The following BOC variants were observed in gnomAD, a reference collection of about 807,000 sequenced individuals.
BOC encodes the protein brother of CDO.
Under a neutral mutation model 112.0 loss-of-function variants are expected in BOC, and 76 were observed. That is an observed-to-expected ratio of 0.68 (90% CI 0.56 to 0.82). The LOEUF (loss-of-function observed/expected upper bound fraction) is 0.82, where lower values mean the gene tolerates loss of function less well. Ranked by LOEUF, BOC falls within the 40% of genes least tolerant of loss-of-function variation. The pLI is 0.00. For missense variants in BOC, 1,309 were observed against 1,511.7 expected, an observed-to-expected ratio of 0.87 and a Z score of 2.22; for synonymous variants, 580 against 599.8, an observed-to-expected ratio of 0.97 and a Z score of 0.48.
In BOC at chr3:113,268,193, G is replaced by T. The variant is rs1402699972; in HGVS notation, c.377-106G>T. 7 of 1,507,936 alleles carry T rather than the reference G, an allele frequency of 4.6e-6. No individual in the cohort carries two copies. The African/African-American group carries it at 9.6e-5, about 21-fold the overall frequency. The allele number at this position is 1,507,936 out of a possible 1,614,324, so 93.4% of individuals were successfully genotyped here. A position where few individuals can be genotyped will look rare whatever the true frequency, so the allele number is the denominator to read the frequency against. ...CGGAGGATCCCCTGATATCCCCCTA[G>T]GTGTGAGCTTTGTCATGACTGACAA... On this transcript the variant is annotated intron_variant, in intron 4 of 19. Transcript: ENST00000682979.
rs1403910762 is a variant in BOC, at chr3:113,272,447, A to G, written c.705A>G (p.Pro235=). 1 of 1,613,932 alleles carries G rather than the reference A, an allele frequency of 6.2e-7. No homozygotes were observed. Among genetic ancestry groups the G allele is most frequent in the Non-Finnish European group, 8.5e-7 (1 of 1,179,960 alleles). The stretch of plus-strand genomic sequence containing the variant: ...AGGCTGCCCGCATCATCTACCCCCC[A>G]GAGGCCCAAACCATCATCGTCACCA... ...TAEAARIIYP[P]EAQTIIVTKG... The change falls in exon 7 of 20, where the codon CCA becomes CCG. Residue 235 remains proline (P), a synonymous_variant. Transcript: ENST00000682979.
rs199985041 is a variant in BOC, at chr3:113,233,154, T to G, written c.-81-16568T>G. The stretch of plus-strand genomic sequence containing the variant: ...TGAGCATGTAAAGGATTGGGGTGTG[T>G]GTGTGTGTGTGTGTGTGTGTGTGTG... On this transcript the variant is annotated intron_variant, in intron 2 of 19. Coordinates refer to ENST00000682979, the MANE Select transcript of BOC (RefSeq NM_001378074.1). Among the ~76,000 whole-genome samples, 57 of 113,568 alleles carry G rather than the reference T, an allele frequency of 5.0e-4. No individual in the cohort carries two copies. The East Asian group carries it at 5.8e-3, about 11-fold the overall frequency. The allele number at this position is 113,568 out of a possible 152,430, so 74.5% of individuals were successfully genotyped here.
chr3:113,224,601 C>G (rs182819463), intron 2 of BOC, among the ~76,000 whole-genome samples: 2 of 152,276 alleles, frequency 1.3e-5, no homozygotes, highest in East Asian at 3.9e-4. Flanking sequence ...CCATCTGATC[C>G]AGGCTGAAAA....
chr3:113,260,707 CAGAACAGAACAGAA>C lies in BOC; in HGVS notation c.377-7577_377-7564del, dbSNP rs1490102532. Reference sequence around the variant, plus strand: ...CAGAACAGAACAGAACAGAACAGAACAGAACAGAACAGAAAGAACAGAACAGAACAGAACAGAAC... The same window carrying C: ...CAGAACAGAACAGAACAGAACAGAACAGAACAGAACAGAACAGAACAGAAC... On this transcript the variant is annotated intron_variant, in intron 4 of 19. Transcript: ENST00000682979. Among the ~76,000 whole-genome samples the C allele has an allele frequency of 6.5e-3, 905 of 138,998 alleles. 18 individuals are homozygous for C. Among genetic ancestry groups the C allele is most frequent in the African/African-American group, 0.025 (851 of 34,444 alleles). 91.2% of individuals were successfully genotyped at this position (138,998 alleles called of 152,430 possible).
At chr3:113,215,435 C>G (rs1167422776) in intron 1 of BOC, among the ~76,000 whole-genome samples, 1 of 152,212 alleles carries the variant, frequency 6.6e-6, no homozygotes, top group South Asian at 2.1e-4. Flanking sequence ...CACACTGACT[C>G]AAACCACTGA....
Position 113,278,725 on chromosome 3 carries a change from A to C in BOC, c.1758A>C (p.Arg586Ser). The C allele has an allele frequency of 6.4e-6, 10 of 1,569,050 alleles. No homozygotes were observed. The highest frequency in any genetic ancestry group is 8.6e-6 in the Non-Finnish European group (10 of 1,156,866). ...IMASKEQQIQRDDPGASPQSS... is the reference protein window; with the variant it reads ...IMASKEQQIQSDDPGASPQSS... ...CCAGCAAAGAGCAGCAGATCCAGAGAGACGACCCTGGAGCCAGTCCCCAGA... is the reference window on the plus strand; with the variant it reads ...CCAGCAAAGAGCAGCAGATCCAGAGCGACGACCCTGGAGCCAGTCCCCAGA... Residue 586 changes from arginine to serine, a missense_variant, in exon 11 of 20, where the codon AGA (arginine) becomes AGC (serine). Transcript: ENST00000682979. The surrounding 1 kb of genome is among the most constrained non-coding windows in gnomAD (Gnocchi z 4.2).
At chr3:113,229,816 C>A (rs965804636) in intron 2 of BOC, among the ~76,000 whole-genome samples, 24 of 152,144 alleles carry the variant, frequency 1.6e-4, no homozygotes, top group African/African-American at 5.1e-4. Context: ...ACACCGTATC[C>A]AGTACAGAAC....
intron 2 of BOC, among the ~76,000 whole-genome samples, chr3:113,223,241 AGTTTT>A (rs1219569689): frequency 6.6e-6 from 1 of 152,210 alleles, no homozygotes; most frequent in Non-Finnish European, 1.5e-5. Context: ...CTCCAGCTCC[AGTTTT>A]GTTTTGTTTT....
In BOC at chr3:113,284,368, C is replaced by G; in HGVS notation, c.2690C>G (p.Ala897Gly). ...HTTDLGFPRS[A>G]LPPSCPYTMV... ...ACAGACCTGGGTTTTCCTCGAAGTG[C>G]CCTTCCACCCTCCTGCCCGTATACT... Residue 897 changes from alanine (A) to glycine (G), a missense_variant, in exon 17 of 20, where the codon GCC becomes GGC. Transcript: ENST00000682979. 1 of 1,614,234 alleles carries G rather than the reference C, an allele frequency of 6.2e-7. No homozygotes were observed. The highest frequency in any genetic ancestry group is 1.3e-5 in the African/African-American group (1 of 75,068).
chr3:113,219,158 C>A (rs1258758487), intron 2 of BOC, among the ~76,000 whole-genome samples: 1 of 152,216 alleles, frequency 6.6e-6, no homozygotes, highest in Non-Finnish European at 1.5e-5. Context: ...TACCCTTCAT[C>A]GTGTGAGGGA....
chr3:113,249,955 T>A (rs1945406233), intron 3 of BOC, 56 bp downstream of exon 3: 1 of 1,476,842 alleles, frequency 6.8e-7, no homozygotes, highest in African/African-American at 1.4e-5. Flanking sequence ...ACATTCCGCA[T>A]TCTACAATAA....
At position 113,267,092 on chromosome 3, in the gene BOC, G is replaced by A. The variant is rs552473468; in HGVS notation, c.377-1207G>A. On this transcript the variant is annotated intron_variant, in intron 4 of 19. Transcript: ENST00000682979. ...AGTCCCGGGAGCTGAGCAGAATTTG[G>A]TGTGGCCAGTATTCGGAGAAGGTGC... Among the ~76,000 whole-genome samples, 9 of 152,348 alleles carry A rather than the reference G, an allele frequency of 5.9e-5. No homozygotes were observed. The South Asian group carries it at 1.9e-3, about 32-fold the overall frequency.
chr3:113,236,228 A>ATGTGTGTG (rs765387902), intron 2 of BOC, among the ~76,000 whole-genome samples: 1,574 of 78,032 alleles, frequency 0.02, 107 homozygotes, highest in African/African-American at 0.034. Context: ...ATATACGTAT[A>ATGTGTGTG]TGTGTGTGTG....
chr3:113,233,150 T>C (rs370725086), intron 2 of BOC, among the ~76,000 whole-genome samples: 1 of 73,260 alleles, frequency 1.4e-5, no homozygotes, highest in African/African-American at 9.7e-5. Context: ...AGGATTGGGG[T>C]GTGTGTGTGT....
intron 2 of BOC, among the ~76,000 whole-genome samples, chr3:113,217,089 C>T (rs1372550466): frequency 6.6e-6 from 1 of 152,188 alleles, no homozygotes; most frequent in Non-Finnish European, 1.5e-5. Context: ...GTGTGCCTGG[C>T]ATCAGGTGTG....
At chr3:113,229,131 C>T (rs938563564) in intron 2 of BOC, among the ~76,000 whole-genome samples, 12 of 152,158 alleles carry the variant, frequency 7.9e-5, no homozygotes, top group Non-Finnish European at 1.5e-4. Context: ...GTTGTCTCCT[C>T]CCCCAGTAGG....
At chr3:113,224,373 A>G (rs1206809431) in intron 2 of BOC, among the ~76,000 whole-genome samples, 1 of 152,156 alleles carries the variant, frequency 6.6e-6, no homozygotes. Flanking sequence ...AGCCTCGAAG[A>G]CTAGGATTCC....
intron 2 of BOC, among the ~76,000 whole-genome samples, chr3:113,247,194 C>T (rs1945023884): frequency 6.6e-6 from 1 of 152,040 alleles, no homozygotes; most frequent in Admixed American, 6.6e-5. Context: ...TCCTTCCCTT[C>T]TTGGGGCATG....
At chr3:113,270,703 C>A in intron 5 of BOC, 98 bp from the exon 6 acceptor site, 2 of 1,414,338 alleles carry the variant, frequency 1.4e-6, no homozygotes. Context: ...GCCTGCCCAG[C>A]CTGTTCCTCT....
Sources: allele counts gnomAD v4.1 joint callset (sites outside exome capture counted in the v4.1 genomes callset), GRCh38; gene constraint gnomAD v4.1.1; non-coding constraint Gnocchi (gnomAD v3.1); transcripts MANE v1.5; gene names NCBI Gene and HGNC (gene_info 2026-07-23, HGNC 2026-07-21).